Variants in AUTS2 observed in about 807,000 individuals in gnomAD.
AUTS2 encodes activator of transcription and developmental regulator AUTS2.
In AUTS2, 17 loss-of-function variants were observed where a neutral mutation model predicts 112.4. The ratio of observed to expected loss-of-function variants is 0.15; its 90% confidence interval spans 0.10 to 0.23. The LOEUF (loss-of-function observed/expected upper bound fraction) is 0.23, where lower values mean the gene tolerates loss of function less well. AUTS2 is among the 10% of genes least tolerant of loss of function. The probability of loss-of-function intolerance (pLI) is 1.00; values close to 1 mark genes in which losing one functional copy is unlikely to be tolerated. For synonymous variants in AUTS2, 751 were observed against 702.7 expected, an observed-to-expected ratio of 1.07 and a Z score of -1.09; for missense variants, 1,510 against 1,701.6, an observed-to-expected ratio of 0.89 and a Z score of 1.98.
intron 4 of AUTS2, among the ~76,000 whole-genome samples, chr7:70,342,998 T>G (rs538145337): frequency 6.6e-6 from 1 of 152,172 alleles, no homozygotes; most frequent in African/African-American, 2.4e-5. Flanking sequence ...ATCAGTAAAT[T>G]TAAGCTCATT....
chr7:70,280,954 C>G (rs1408108329), intron 4 of AUTS2, among the ~76,000 whole-genome samples: 1 of 152,102 alleles, frequency 6.6e-6, no homozygotes, highest in Non-Finnish European at 1.5e-5. Flanking sequence ...TACTTCTCTC[C>G]TTCATGGACC....
chr7:69,788,454 C>T (rs909486128), intron 1 of AUTS2, among the ~76,000 whole-genome samples: 8 of 152,204 alleles, frequency 5.3e-5, no homozygotes, highest in African/African-American at 1.7e-4. Context: ...AGAGATTACA[C>T]TTGGAGTTTG....
At chr7:69,624,365 C>G (rs1051430547) in intron 1 of AUTS2, among the ~76,000 whole-genome samples, 1 of 152,168 alleles carries the variant, frequency 6.6e-6, no homozygotes, top group Non-Finnish European at 1.5e-5. Flanking sequence ...GTTCCTTCCT[C>G]CTCTCTATCC....
In AUTS2 at chr7:70,742,686, C is replaced by T. The variant is rs112989411; in HGVS notation, c.743-20184C>T. Among the ~76,000 whole-genome samples the T allele has an allele frequency of 4.6e-3, 701 of 152,200 alleles. 7 individuals carry two copies. The highest frequency in any genetic ancestry group is 0.016 in the African/African-American group (673 of 41,526). Reference sequence around the variant, plus strand: ...GTGAGGCAGGAGAATAGCTTGAACCCGGGAGGCAGAGGTTGCAGTGAGCCG... The same window carrying T: ...GTGAGGCAGGAGAATAGCTTGAACCTGGGAGGCAGAGGTTGCAGTGAGCCG... On this transcript the variant is annotated intron_variant, in intron 6 of 18. Transcript: ENST00000342771.
At chr7:70,734,902 A>G (rs776028534) in intron 6 of AUTS2, among the ~76,000 whole-genome samples, 2 of 152,172 alleles carry the variant, frequency 1.3e-5, no homozygotes, top group African/African-American at 2.4e-5. Context: ...GAAATTCAGT[A>G]TAGCAGTGTT....
intron 4 of AUTS2, among the ~76,000 whole-genome samples, chr7:70,239,018 A>T (rs1812469798): frequency 6.6e-6 from 1 of 152,172 alleles, no homozygotes; most frequent in Admixed American, 6.6e-5. Flanking sequence ...TTACCGATGT[A>T]ATAGAGATGC....
chr7:70,035,281 A>C (rs1212451382), intron 2 of AUTS2, among the ~76,000 whole-genome samples: 1 of 152,164 alleles, frequency 6.6e-6, no homozygotes, highest in Non-Finnish European at 1.5e-5. Context: ...CACATTAGGC[A>C]AGTGACATGC....
At chr7:70,734,101 C>G (rs1038333343) in intron 6 of AUTS2, among the ~76,000 whole-genome samples, 1 of 151,936 alleles carries the variant, frequency 6.6e-6, no homozygotes, top group Non-Finnish European at 1.5e-5. Flanking sequence ...CCCGACAGCC[C>G]GCTGCATGCG....
intron 1 of AUTS2, among the ~76,000 whole-genome samples, chr7:69,766,732 C>A (rs1788438267): frequency 2.0e-5 from 3 of 152,120 alleles, no homozygotes; most frequent in Admixed American, 1.3e-4. Context: ...TCATTAGATT[C>A]AACGAACAAT....
intron 1 of AUTS2, among the ~76,000 whole-genome samples, chr7:69,687,027 C>T (rs910606698): frequency 6.6e-6 from 1 of 152,164 alleles, no homozygotes; most frequent in Non-Finnish European, 1.5e-5. Flanking sequence ...TGAATGTTTA[C>T]AAGTACTCTT....
intron 1 of AUTS2, among the ~76,000 whole-genome samples, chr7:69,696,861 A>C (rs1797584075): frequency 6.6e-6 from 1 of 152,216 alleles, no homozygotes; most frequent in South Asian, 2.1e-4. Flanking sequence ...AGATTAATAA[A>C]AACCACTGAA....
At chr7:70,194,721 T>C (rs1422190657) in intron 4 of AUTS2, 2 of 152,210 alleles carry the variant, frequency 1.3e-5, no homozygotes, top group Non-Finnish European at 2.9e-5. Flanking sequence ...AGTGGGTGAA[T>C]TTACATCTGT....
chr7:70,259,393 C>A (rs756580629), intron 4 of AUTS2, among the ~76,000 whole-genome samples: 1 of 151,918 alleles, frequency 6.6e-6, no homozygotes, highest in African/African-American at 2.4e-5. Flanking sequence ...ATATGTTCCA[C>A]CTCATCAAAA....
intron 1 of AUTS2, among the ~76,000 whole-genome samples, chr7:69,614,391 T>G (rs1793251251): frequency 6.8e-6 from 1 of 147,322 alleles, no homozygotes; most frequent in Non-Finnish European, 1.5e-5. Flanking sequence ...GATCTCACTC[T>G]GTTTCCCAGG....
At chr7:70,264,154 G>A (rs752537436) in intron 4 of AUTS2, among the ~76,000 whole-genome samples, 12 of 152,054 alleles carry the variant, frequency 7.9e-5, no homozygotes, top group Non-Finnish European at 1.6e-4. Flanking sequence ...TCCTAGAGAC[G>A]TTTCCTCTTT....
chr7:70,621,752 G>A (rs576551247), intron 5 of AUTS2, among the ~76,000 whole-genome samples: 1 of 148,600 alleles, frequency 6.7e-6, no homozygotes, highest in African/African-American at 2.5e-5. Context: ...ACAAACTATA[G>A]CAAACACAGT....
chr7:70,144,506 A>G (rs1481820321), intron 4 of AUTS2, among the ~76,000 whole-genome samples: 1 of 152,084 alleles, frequency 6.6e-6, no homozygotes, highest in Non-Finnish European at 1.5e-5. Context: ...GGAAGCCTTA[A>G]ACTGCATTTG....
intron 4 of AUTS2, among the ~76,000 whole-genome samples, chr7:70,171,106 A>C (rs976941619): frequency 1.3e-5 from 2 of 152,192 alleles, no homozygotes; most frequent in African/African-American, 4.8e-5. Flanking sequence ...AGAAATCCTC[A>C]TTGATTACAC....
At chr7:70,241,445 A>C (rs1812608355) in intron 4 of AUTS2, among the ~76,000 whole-genome samples, 1 of 152,182 alleles carries the variant, frequency 6.6e-6, no homozygotes, top group Admixed American at 6.5e-5. Flanking sequence ...GTTCTGTAAA[A>C]TATATCCCCT....
Sources: gnomAD v4.1 joint callset for allele counts (sites outside exome capture counted in the v4.1 genomes callset) on GRCh38, gnomAD v4.1.1 for gene constraint, MANE v1.5 for transcripts, NCBI Gene and HGNC (gene_info 2026-07-23, HGNC 2026-07-21) for gene names.